The following SNRPN variants were observed in gnomAD, a reference collection of about 807,000 sequenced individuals.
The protein encoded by SNRPN is small nuclear ribonucleoprotein-associated protein N.
A neutral mutation model predicts 25.2 loss-of-function variants in SNRPN; 7 were observed. The observed-to-expected ratio is 0.28, with a 90% confidence interval of 0.16 to 0.52. The LOEUF is 0.52. SNRPN is among the 20% of genes least tolerant of loss of function. The pLI is 0.96. For synonymous variants in SNRPN, 124 were observed against 110.6 expected (o/e 1.12, Z -0.76); for missense variants, 196 against 322.5 (o/e 0.61, Z 3.00).
chr15:24,956,586 G>A (rs895425649), intron 1 of SNRPN, among the ~76,000 whole-genome samples: 1 of 152,218 alleles, frequency 6.6e-6, no homozygotes, highest in African/African-American at 2.4e-5. Flanking sequence ...GCAGTGGGGC[G>A]AGACGTGGGG....
chr15:24,874,061 T>A (rs1300193705), intron 1 of SNRPN, among the ~76,000 whole-genome samples: 1 of 148,518 alleles, frequency 6.7e-6, no homozygotes, highest in Non-Finnish European at 1.5e-5. Flanking sequence ...ACGCCTGTAA[T>A]CCACTTTGGG....
At chr15:24,911,054 C>T in intron 2 of SNRPN, 2 of 1,513,884 alleles carry the variant, frequency 1.3e-6, no homozygotes, top group South Asian at 2.3e-5. Flanking sequence ...GGCTCTGCAC[C>T]AGGTGTTTCT....
intron 2 of SNRPN, among the ~76,000 whole-genome samples, chr15:24,895,258 C>T (rs1483986595): frequency 1.3e-5 from 2 of 152,144 alleles, no homozygotes; most frequent in Admixed American, 1.3e-4. Flanking sequence ...TGACCTCTTT[C>T]AGCGAAAGGT....
intron 2 of SNRPN, among the ~76,000 whole-genome samples, chr15:24,838,039 ATTT>A (rs145070247): frequency 7.2e-6 from 1 of 139,806 alleles, no homozygotes. Context: ...TTATTTATTT[ATTT>A]TTTTTTTTTT....
intron 2 of SNRPN, among the ~76,000 whole-genome samples, chr15:24,967,492 A>AT (rs2075810737): frequency 6.6e-6 from 1 of 152,056 alleles, no homozygotes; most frequent in Non-Finnish European, 1.5e-5. Context: ...ATACAAAAAA[A>AT]TTAGCCGAGA....
chr15:24,962,082 T>C lies in SNRPN; in HGVS notation c.-390-32T>C, dbSNP rs755140475. On this transcript the variant is annotated intron_variant, in intron 1 of 9. Coordinates refer to ENST00000390687, the MANE Select transcript of SNRPN (RefSeq NM_003097.6). ...AGTTATTTCATAGATTGATGCAGTC[T>C]ACCAAACAAATGCCTCTCTTTTCTG... 13 of 1,549,756 alleles carry C rather than the reference T, an allele frequency of 8.4e-6. No individual in the cohort carries two copies. The East Asian group carries it at 2.9e-4, about 35-fold the overall frequency.
intron 1 of SNRPN, among the ~76,000 whole-genome samples, chr15:24,878,341 G>A (rs1472385692): frequency 1.3e-5 from 2 of 152,150 alleles, no homozygotes; most frequent in African/African-American, 2.4e-5. Flanking sequence ...CGTTCTGAGC[G>A]GCCGACAAAC....
chr15:24,890,268 C>A (rs1203048334), intron 2 of SNRPN, among the ~76,000 whole-genome samples: 1 of 152,018 alleles, frequency 6.6e-6, no homozygotes, highest in Non-Finnish European at 1.5e-5. Flanking sequence ...CTGCCCTATC[C>A]CTGGATACCA....
chr15:24,861,792 A>G (rs935028192), intron 1 of SNRPN, among the ~76,000 whole-genome samples: 8 of 152,220 alleles, frequency 5.3e-5, no homozygotes, highest in African/African-American at 1.7e-4. Context: ...AAGCCCTTCC[A>G]TAGTTATAAA....
chr15:24,895,949 T>C (rs1054471180), intron 2 of SNRPN, among the ~76,000 whole-genome samples: 2 of 152,206 alleles, frequency 1.3e-5, no homozygotes, highest in Non-Finnish European at 2.9e-5. Context: ...CCTATGTTTG[T>C]ATTAAAGGTG....
At chr15:24,895,643 TAAACAGTATAAAC>T (rs2058041340) in intron 2 of SNRPN, among the ~76,000 whole-genome samples, 1 of 152,154 alleles carries the variant, frequency 6.6e-6, no homozygotes, top group Non-Finnish European at 1.5e-5. Context: ...ATAAGAATGC[TAAACAGTATAAAC>T]AAGACACCTC....
chr15:24,856,159 G>A (rs1253495511), upstream of SNRPN, among the ~76,000 whole-genome samples: 1 of 152,046 alleles, frequency 6.6e-6, no homozygotes, highest in Non-Finnish European at 1.5e-5. Flanking sequence ...TTAGCCAAGT[G>A]TGCTATTATA....
At chr15:24,926,515 A>G (rs76088065) in intron 3 of SNRPN, among the ~76,000 whole-genome samples, 19,786 of 152,032 alleles carry the variant, frequency 0.13, 1,384 homozygotes, top group South Asian at 0.22. Context: ...CTTCTTCACC[A>G]TGCTGTTATA....
At chr15:24,898,919 A>C (rs979002373) in intron 2 of SNRPN, among the ~76,000 whole-genome samples, 1 of 152,154 alleles carries the variant, frequency 6.6e-6, no homozygotes, top group Non-Finnish European at 1.5e-5. Flanking sequence ...TGATCAAACA[A>C]AGAAACAGGT....
intron 2 of SNRPN, among the ~76,000 whole-genome samples, chr15:24,839,947 C>A (rs1314432079): frequency 1.3e-5 from 2 of 152,226 alleles, no homozygotes; most frequent in African/African-American, 4.8e-5. Flanking sequence ...ATTGGTTGAG[C>A]TTGTGAGCCA....
chr15:24,961,944 G>A (rs566459132), intron 1 of SNRPN, among the ~76,000 whole-genome samples, 170 bp from the exon 2 acceptor site: 21 of 152,182 alleles, frequency 1.4e-4, no homozygotes, highest in African/African-American at 4.3e-4. Context: ...AGTGGTTATA[G>A]CATAGATTAT....
At chr15:24,926,408 A>G (rs1016030864) in intron 3 of SNRPN, among the ~76,000 whole-genome samples, 3 of 152,078 alleles carry the variant, frequency 2.0e-5, no homozygotes, top group Non-Finnish European at 2.9e-5. Context: ...TGCACACATA[A>G]ATTATTGTCC....
chr15:24,875,570 C>G (rs2055771335), intron 1 of SNRPN, among the ~76,000 whole-genome samples: 1 of 152,014 alleles, frequency 6.6e-6, no homozygotes, highest in African/African-American at 2.4e-5. Flanking sequence ...ATTCAATTTC[C>G]TAGAACATTG....
chr15:24,922,317 A>C (rs1372186899), intron 3 of SNRPN, among the ~76,000 whole-genome samples: 1 of 152,252 alleles, frequency 6.6e-6, no homozygotes, highest in East Asian at 1.9e-4. Context: ...TTCACAATCC[A>C]GATCCTCTAC....
Sources: gnomAD v4.1 joint callset for allele counts (sites outside exome capture counted in the v4.1 genomes callset) on GRCh38, gnomAD v4.1.1 for gene constraint, MANE v1.5 for transcripts, NCBI Gene and HGNC (gene_info 2026-07-23, HGNC 2026-07-21) for gene names.